The following GALNT13 variants were observed in gnomAD, a reference collection of about 807,000 sequenced individuals.
The protein encoded by GALNT13 is polypeptide N-acetylgalactosaminyltransferase 13, also known as UDP-GalNAc:polypeptide N-acetylgalactosaminyltransferase 13.
In GALNT13, 28 loss-of-function variants were observed where a neutral mutation model predicts 64.2. The ratio of observed to expected loss-of-function variants is 0.44; its 90% CI spans 0.32 to 0.60. GALNT13 has a LOEUF of 0.60. GALNT13 is among the 20% of genes least tolerant of loss of function. The probability of loss-of-function intolerance (pLI) is 0.05; values close to 1 mark genes in which losing one functional copy is unlikely to be tolerated. For synonymous variants in GALNT13, 214 were observed against 224.6 expected (o/e 0.95, Z 0.42); for missense variants, 577 against 669.8 (o/e 0.86, Z 1.53).
the GALNT13 span, among the ~76,000 whole-genome samples, chr2:153,350,584 T>C: frequency 6.6e-6 from 1 of 152,018 alleles, no homozygotes; most frequent in African/African-American, 2.4e-5. Context: ...GGTTTTACCA[T>C]GTTGGCCAGG....
chr2:154,094,904 T>G (rs1255009257), intron 3 of GALNT13, among the ~76,000 whole-genome samples: 1 of 151,938 alleles, frequency 6.6e-6, no homozygotes, highest in East Asian at 1.9e-4. Context: ...TTTTTGAACA[T>G]AAATAATATG....
chr2:153,827,710 C>A, the GALNT13 span, among the ~76,000 whole-genome samples: 1 of 151,864 alleles, frequency 6.6e-6, no homozygotes, highest in African/African-American at 2.4e-5. Flanking sequence ...CTCATGTCCT[C>A]ACATTTCAAA....
the GALNT13 span, among the ~76,000 whole-genome samples, chr2:153,462,713 C>T: frequency 2.0e-5 from 3 of 152,120 alleles, no homozygotes; most frequent in Non-Finnish European, 4.4e-5. Context: ...TATGCAGCCT[C>T]CACTCCCAAA....
At chr2:153,391,609 T>C in the GALNT13 span, among the ~76,000 whole-genome samples, 2 of 152,116 alleles carry the variant, frequency 1.3e-5, no homozygotes, top group African/African-American at 2.4e-5. Context: ...GATAGGGATT[T>C]TAAAACCAAG....
the GALNT13 span, among the ~76,000 whole-genome samples, chr2:153,296,640 G>A: frequency 6.6e-6 from 1 of 152,076 alleles, no homozygotes; most frequent in Non-Finnish European, 1.5e-5. Context: ...AGAATGAAAG[G>A]GTGTGATTTA....
At chr2:153,433,402 T>A in the GALNT13 span, among the ~76,000 whole-genome samples, 1 of 149,252 alleles carries the variant, frequency 6.7e-6, no homozygotes, top group African/African-American at 2.5e-5. Flanking sequence ...CCTTTGATAA[T>A]TAATTTTCCA....
intron 9 of GALNT13, among the ~76,000 whole-genome samples, chr2:154,374,686 T>A (rs1247234785): frequency 1.3e-5 from 2 of 152,224 alleles, no homozygotes; most frequent in African/African-American, 4.8e-5. Context: ...ATGATTCAAC[T>A]GCCCCTTTTG....
chr2:153,928,800 C>T (rs1191660267), intron 2 of GALNT13, among the ~76,000 whole-genome samples: 2 of 152,056 alleles, frequency 1.3e-5, no homozygotes, highest in African/African-American at 4.8e-5. Context: ...GTTTTGACAA[C>T]CATAGCATCT....
At chr2:153,095,099 G>A in the GALNT13 span, among the ~76,000 whole-genome samples, 1 of 152,082 alleles carries the variant, frequency 6.6e-6, no homozygotes, top group African/African-American at 2.4e-5. Context: ...GAGTGAACAG[G>A]CAACCTACAG....
chr2:153,292,137 C>T, the GALNT13 span, among the ~76,000 whole-genome samples: 1 of 151,978 alleles, frequency 6.6e-6, no homozygotes, highest in African/African-American at 2.4e-5. Flanking sequence ...TTATATGTCG[C>T]TCAAATGAGT....
At chr2:153,958,679 T>C (rs1410564748) in intron 3 of GALNT13, among the ~76,000 whole-genome samples, 1 of 152,166 alleles carries the variant, frequency 6.6e-6, no homozygotes, top group Non-Finnish European at 1.5e-5. Flanking sequence ...CTTTTTCCCT[T>C]TTACATTCCC....
chr2:153,886,617 T>C (rs1160992775), intron 1 of GALNT13, among the ~76,000 whole-genome samples: 2 of 152,032 alleles, frequency 1.3e-5, no homozygotes, highest in African/African-American at 4.8e-5. Flanking sequence ...AAGAGGCACT[T>C]TTTAAAGCTG....
At chr2:153,623,605 A>AT in the GALNT13 span, among the ~76,000 whole-genome samples, 3 of 152,090 alleles carry the variant, frequency 2.0e-5, no homozygotes, top group South Asian at 6.2e-4. Flanking sequence ...TAAAAATGGC[A>AT]TAACTATACA....
chr2:153,791,685 A>G, the GALNT13 span, among the ~76,000 whole-genome samples: 1 of 152,214 alleles, frequency 6.6e-6, no homozygotes, highest in African/African-American at 2.4e-5. Flanking sequence ...AATGCCCATC[A>G]GTGGTAGAGT....
chr2:153,827,106 T>C, the GALNT13 span, among the ~76,000 whole-genome samples: 449 of 152,122 alleles, frequency 3.0e-3, 2 homozygotes, highest in Non-Finnish European at 4.8e-3. Context: ...CTTACAATCA[T>C]GGCGGAAGGC....
At chr2:153,288,097 A>C in the GALNT13 span, among the ~76,000 whole-genome samples, 1 of 152,206 alleles carries the variant, frequency 6.6e-6, no homozygotes, top group South Asian at 2.1e-4. Flanking sequence ...ACAGTTAAAA[A>C]TGACGTGTCT....
At chr2:153,999,202 A>T (rs1695728968) in intron 3 of GALNT13, among the ~76,000 whole-genome samples, 1 of 152,096 alleles carries the variant, frequency 6.6e-6, no homozygotes, top group Non-Finnish European at 1.5e-5. Context: ...CAAAACAGAT[A>T]TATAGACCAA....
At chr2:153,507,244 G>A in the GALNT13 span, among the ~76,000 whole-genome samples, 10 of 151,578 alleles carry the variant, frequency 6.6e-5, no homozygotes, top group South Asian at 1.5e-3. Flanking sequence ...TTTTTATTTC[G>A]TATCCTGCAT....
chr2:153,363,234 G>C, the GALNT13 span, among the ~76,000 whole-genome samples: 1 of 152,162 alleles, frequency 6.6e-6, no homozygotes, highest in Non-Finnish European at 1.5e-5. Flanking sequence ...TGCTAAAGCA[G>C]TGTTAACAGG....
Sources: gnomAD v4.1 joint callset for allele counts (sites outside exome capture counted in the v4.1 genomes callset) on GRCh38, gnomAD v4.1.1 for gene constraint, MANE v1.5 for transcripts, NCBI Gene and HGNC (gene_info 2026-07-23, HGNC 2026-07-21) for gene names.